The following CAMK1D variants were observed in gnomAD, a reference collection of about 807,000 sequenced individuals.
CAMK1D encodes the protein calcium/calmodulin dependent protein kinase ID.
CAMK1D carries 9 observed loss-of-function variants against 47.7 expected under a neutral mutation model. The observed-to-expected ratio is 0.19, with a 90% CI of 0.11 to 0.33. The LOEUF (loss-of-function observed/expected upper bound fraction) is 0.33, where lower values mean the gene tolerates loss of function less well. CAMK1D is among the 10% of genes least tolerant of loss of function. The probability of loss-of-function intolerance (pLI) is 1.00; values close to 1 mark genes in which losing one functional copy is unlikely to be tolerated. For synonymous variants in CAMK1D, 184 were observed against 184.9 expected (o/e 0.99, Z 0.04); for missense variants, 291 against 488.7 (o/e 0.60, Z 3.81).
intron 4 of CAMK1D, among the ~76,000 whole-genome samples, chr10:12,763,200 G>A (rs1367554431): frequency 2.6e-5 from 4 of 152,118 alleles, no homozygotes; most frequent in African/African-American, 7.2e-5. Flanking sequence ...CTTTTCAGAG[G>A]CACAAAGGAG....
chr10:12,469,086 C>T (rs1833675070), intron 1 of CAMK1D, among the ~76,000 whole-genome samples: 1 of 151,886 alleles, frequency 6.6e-6, no homozygotes, highest in Non-Finnish European at 1.5e-5. Context: ...ACCTGTAGCT[C>T]CCCGGATAAA....
chr10:12,689,718 T>C (rs558990067), intron 3 of CAMK1D, among the ~76,000 whole-genome samples: 1 of 151,798 alleles, frequency 6.6e-6, no homozygotes, highest in South Asian at 2.1e-4. Context: ...GGAGGTTGCG[T>C]TGAGCCGAGA....
At position 12,652,030 on chromosome 10, in the gene CAMK1D, C is replaced by T. The variant is rs917072187; in HGVS notation, c.225-14706C>T. Among the ~76,000 whole-genome samples the T allele has an allele frequency of 9.9e-5, 15 of 151,140 alleles. 1 individual carries two copies. The highest frequency in any genetic ancestry group is 5.9e-4 in the Admixed American group (9 of 15,196). ...TCCTGACCTCGTGATCTGCCCGCCT[C>T]GGCCTCCCAAAGTGCTGGGATTACA... On this transcript the variant is annotated intron_variant, in intron 2 of 10. Coordinates refer to ENST00000619168, the MANE Select transcript of CAMK1D (RefSeq NM_153498.4).
chr10:12,419,546 A>G (rs1839975326), intron 1 of CAMK1D, among the ~76,000 whole-genome samples: 1 of 151,908 alleles, frequency 6.6e-6, no homozygotes, highest in Non-Finnish European at 1.5e-5. Context: ...TGGTTTTCTT[A>G]GTGCATAAAA....
intron 1 of CAMK1D, among the ~76,000 whole-genome samples, chr10:12,464,639 C>T (rs1305494915): frequency 1.3e-5 from 2 of 152,028 alleles, no homozygotes; most frequent in Non-Finnish European, 2.9e-5. Context: ...CACGGTGAAA[C>T]CCCATCTGTA....
chr10:12,646,353 G>T (rs7087145), intron 2 of CAMK1D, among the ~76,000 whole-genome samples: 72,519 of 151,958 alleles, frequency 0.48, 18,317 homozygotes, highest in East Asian at 0.54. Flanking sequence ...TATATAGCTT[G>T]TATTATTATA....
At chr10:12,806,123 G>A (rs532402342) in intron 6 of CAMK1D, among the ~76,000 whole-genome samples, 17 of 152,328 alleles carry the variant, frequency 1.1e-4, no homozygotes, top group African/African-American at 4.1e-4. Flanking sequence ...AGAGAACGGT[G>A]TGTAGAAAGG....
chr10:12,658,064 C>A (rs1840168238), intron 2 of CAMK1D, among the ~76,000 whole-genome samples: 1 of 152,110 alleles, frequency 6.6e-6, no homozygotes, highest in African/African-American at 2.4e-5. Context: ...AGGAGAATTG[C>A]TTGAGCCCAG....
chr10:12,389,086 C>T (rs1414608055), intron 1 of CAMK1D, among the ~76,000 whole-genome samples: 2 of 152,318 alleles, frequency 1.3e-5, no homozygotes, highest in South Asian at 2.1e-4. Flanking sequence ...GATGGGTCAA[C>T]TGTGAGCTTC....
intron 1 of CAMK1D, among the ~76,000 whole-genome samples, chr10:12,412,643 C>T (rs3109813): frequency 0.023 from 2,774 of 120,460 alleles, 155 homozygotes; most frequent in African/African-American, 0.084. Flanking sequence ...AAAAAAAAGT[C>T]GAGATCGTGT....
intron 2 of CAMK1D, among the ~76,000 whole-genome samples, chr10:12,613,029 C>T (rs1226209855): frequency 6.6e-6 from 1 of 152,094 alleles, no homozygotes; most frequent in Admixed American, 6.6e-5. Flanking sequence ...CTCTGTCCCT[C>T]GATCATTGGC....
chr10:12,545,453 TAAAAA>T (rs59666684), intron 1 of CAMK1D, among the ~76,000 whole-genome samples: 3 of 52,270 alleles, frequency 5.7e-5, no homozygotes, highest in South Asian at 7.5e-4. Flanking sequence ...CATCTCACAG[TAAAAA>T]AAAAAAAAAA....
At chr10:12,593,802 G>C (rs1838065248) in intron 2 of CAMK1D, among the ~76,000 whole-genome samples, 1 of 152,144 alleles carries the variant, frequency 6.6e-6, no homozygotes, top group Admixed American at 6.5e-5. Flanking sequence ...GTCCTCCCAA[G>C]CTTGGGCCAC....
chr10:12,800,031 T>C (rs1256425285), intron 6 of CAMK1D, among the ~76,000 whole-genome samples: 1 of 152,076 alleles, frequency 6.6e-6, no homozygotes, highest in Non-Finnish European at 1.5e-5. Context: ...CCTCAGAGGG[T>C]GCAGCAGGCA....
At chr10:12,677,819 AGGAGTTCAGTCTGGCTG>A (rs373362979) in intron 3 of CAMK1D, among the ~76,000 whole-genome samples, 209 of 152,148 alleles carry the variant, frequency 1.4e-3, no homozygotes, top group African/African-American at 4.6e-3. Flanking sequence ...TTTGTCCTGT[AGGAGTTCAGTCTGGCTG>A]GGGTCAGTGG....
intron 2 of CAMK1D, among the ~76,000 whole-genome samples, chr10:12,607,968 T>G (rs974341341): frequency 1.3e-5 from 2 of 151,658 alleles, no homozygotes; most frequent in Non-Finnish European, 2.9e-5. Context: ...TCTTTAATAA[T>G]AAATAAGTAA....
At chr10:12,734,385 G>GAT (rs1446142372) in intron 3 of CAMK1D, among the ~76,000 whole-genome samples, 1 of 47,024 alleles carries the variant, frequency 2.1e-5, no homozygotes, top group African/African-American at 9.3e-5. Flanking sequence ...TATAGATATA[G>GAT]ATATAGATAT....
intron 3 of CAMK1D, among the ~76,000 whole-genome samples, chr10:12,704,100 A>G (rs1833638419): frequency 6.6e-6 from 1 of 152,234 alleles, no homozygotes; most frequent in Non-Finnish European, 1.5e-5. Flanking sequence ...TAAGTTATTC[A>G]AAAGACCCAA....
chr10:12,390,962 T>C (rs1025462175), intron 1 of CAMK1D, among the ~76,000 whole-genome samples: 2 of 151,554 alleles, frequency 1.3e-5, no homozygotes, highest in African/African-American at 4.9e-5. Flanking sequence ...CTGTGTGGGG[T>C]CAACTAATGT....
Sources: allele counts gnomAD v4.1 joint callset (sites outside exome capture counted in the v4.1 genomes callset), GRCh38; gene constraint gnomAD v4.1.1; transcripts MANE v1.5; gene names NCBI Gene and HGNC (gene_info 2026-07-23, HGNC 2026-07-21).